VPS54: variants seen among roughly 807,000 people sequenced by gnomAD.
VPS54 encodes the protein VPS54 subunit of GARP complex, also known as vacuolar protein sorting-associated protein 54.
A neutral mutation model predicts 121.5 loss-of-function variants in VPS54; 45 were observed. The ratio of observed to expected loss-of-function variants is 0.37; its 90% CI spans 0.29 to 0.47. The LOEUF is 0.47. Among genes scored for constraint, VPS54 ranks in the 20% least tolerant of loss-of-function variants. VPS54 has a pLI of 0.99. For missense variants in VPS54, 1,090 were observed against 1,131.4 expected, an observed-to-expected ratio of 0.96 and a Z score of 0.52; for synonymous variants, 371 against 385.8, an observed-to-expected ratio of 0.96 and a Z score of 0.45.
chr2:63,942,364 A>G lies in VPS54; in HGVS notation c.1398+101T>C, dbSNP rs1225115709. On this transcript the variant is annotated intron_variant, in intron 11 of 22. Transcript: ENST00000272322. The stretch of plus-strand genomic sequence containing the variant: ...TTAGAAAAATTACAAAAACAAAGAA[A>G]CTGTGTTTTATTCTAGTTTGAGTCT... 1.3e-5 allele frequency: 10 copies of G among 791,780 alleles called. No individual in the cohort carries two copies. The East Asian group carries it at 3.0e-4, about 24-fold the overall frequency. The allele number at this position is 791,780 out of a possible 1,614,324, so 49.0% of individuals were successfully genotyped here.
chr2:63,899,453 G>A (rs1162513853), intron 21 of VPS54, 21 bp downstream of exon 21: 3 of 1,602,260 alleles, frequency 1.9e-6, no homozygotes, highest in Admixed American at 3.3e-5. Flanking sequence ...TACATGAATA[G>A]TTTTAGGAAT....
intron 3 of VPS54, chr2:63,974,950 A>G (rs1676455687): frequency 6.5e-7 from 1 of 1,533,940 alleles, no homozygotes; most frequent in African/African-American, 1.4e-5. Context: ...CTTCCAAGAC[A>G]ATGTTAAAAG....
chr2:63,918,540 A>C (rs898488317), intron 15 of VPS54, among the ~76,000 whole-genome samples: 1 of 152,008 alleles, frequency 6.6e-6, no homozygotes, highest in Admixed American at 6.5e-5. Flanking sequence ...TGCCAATATC[A>C]TACCATCAAG....
At chr2:63,988,706 G>A (rs1036989712) in intron 1 of VPS54, among the ~76,000 whole-genome samples, 2 of 152,060 alleles carry the variant, frequency 1.3e-5, no homozygotes. Context: ...CGTAAAATGA[G>A]GATGTATGTC....
chr2:63,995,876 G>C (rs150051757), intron 1 of VPS54, among the ~76,000 whole-genome samples: 1,874 of 152,270 alleles, frequency 0.012, 17 homozygotes, highest in Non-Finnish European at 0.015. Flanking sequence ...ACAAATTTTT[G>C]AAGTCTCTCA....
At chr2:63,996,031 C>T (rs1002546041) in intron 1 of VPS54, among the ~76,000 whole-genome samples, 3 of 152,150 alleles carry the variant, frequency 2.0e-5, no homozygotes, top group Non-Finnish European at 4.4e-5. Flanking sequence ...GTTTAATCGG[C>T]TTGTCTTTAG....
intron 1 of VPS54, among the ~76,000 whole-genome samples, chr2:63,999,568 C>A (rs1224477652): frequency 6.6e-6 from 1 of 152,106 alleles, no homozygotes; most frequent in Non-Finnish European, 1.5e-5. Flanking sequence ...TCGAGTTAGT[C>A]CTCTCTGGGT....
chr2:63,935,758 C>G (rs985368640), intron 11 of VPS54, among the ~76,000 whole-genome samples: 4 of 152,152 alleles, frequency 2.6e-5, no homozygotes, highest in African/African-American at 9.7e-5. Flanking sequence ...CAGTGCACAG[C>G]ATTTTCCTGA....
chr2:63,966,062 A>C lies in VPS54; in HGVS notation c.493-96T>G, dbSNP rs1675980650. 4.0e-6 allele frequency: 5 copies of C among 1,253,228 alleles called. No individual in the cohort carries two copies. The Admixed American group carries it at 1.0e-4, about 26-fold the overall frequency. 77.6% of individuals were successfully genotyped at this position (1,253,228 alleles called of 1,614,324 possible). On this transcript the variant is annotated intron_variant, in intron 5 of 22. Coordinates refer to ENST00000272322, the MANE Select transcript of VPS54 (RefSeq NM_016516.3). ...TGATCATTAAACAAAATTAACGTGG[A>C]TCTTGAGTATGAATAGCAAAAGCAA...
intron 3 of VPS54, among the ~76,000 whole-genome samples, chr2:63,979,237 G>C (rs1380610818): frequency 7.1e-6 from 1 of 140,356 alleles, no homozygotes; most frequent in East Asian, 2.1e-4. Context: ...TCTTTTTTCT[G>C]TTTGTTTTTT....
At chr2:63,942,188 G>A (rs1357613487) in intron 11 of VPS54, among the ~76,000 whole-genome samples, 1 of 151,820 alleles carries the variant, frequency 6.6e-6, no homozygotes, top group East Asian at 1.9e-4. Flanking sequence ...TAACCTAGGA[G>A]AACAAAAAAT....
At chr2:63,975,153 C>T in intron 3 of VPS54, 1 of 841,344 alleles carries the variant, frequency 1.2e-6, no homozygotes, top group Non-Finnish European at 1.8e-6. Context: ...CCAAGTGATT[C>T]TCATGCCTCA....
chr2:63,932,494 C>G (rs1049419946), intron 12 of VPS54, among the ~76,000 whole-genome samples: 1 of 151,962 alleles, frequency 6.6e-6, no homozygotes, highest in Non-Finnish European at 1.5e-5. Context: ...ACATCACACA[C>G]CAGGGCCTGT....
rs756782725 is a variant in VPS54, at chr2:63,933,097, C to A, written c.1739+576G>T. 3.9e-5 allele frequency among the ~76,000 whole-genome samples: 6 copies of A among 152,214 alleles called. No individual in the cohort carries two copies. The East Asian group carries it at 1.2e-3, about 29-fold the overall frequency. On this transcript the variant is annotated intron_variant, in intron 12 of 22. Coordinates refer to ENST00000272322, the MANE Select transcript of VPS54 (RefSeq NM_016516.3). Reference sequence around the variant, plus strand: ...AGAGTGCAATGTGGTAAAGTATTAACACCTGGGGAATCTGGATGAAGGTTA... The same window carrying A: ...AGAGTGCAATGTGGTAAAGTATTAAAACCTGGGGAATCTGGATGAAGGTTA...
chr2:63,963,765 C>A (rs560515036), intron 6 of VPS54, among the ~76,000 whole-genome samples: 70 of 152,158 alleles, frequency 4.6e-4, no homozygotes, highest in African/African-American at 1.6e-3. Context: ...CACAAATATA[C>A]TAGGGTAAAT....
intron 21 of VPS54, 126 bp downstream of exon 21, chr2:63,899,348 G>T: frequency 1.3e-6 from 1 of 773,796 alleles, no homozygotes; most frequent in Non-Finnish European, 2.0e-6. Context: ...ATATAACAAT[G>T]TAAAAAAATG....
At chr2:63,918,599 G>A (rs1673492020) in intron 15 of VPS54, among the ~76,000 whole-genome samples, 1 of 151,906 alleles carries the variant, frequency 6.6e-6, no homozygotes, top group Non-Finnish European at 1.5e-5. Flanking sequence ...ACTGTCATAT[G>A]ACAAAAATTT....
At chr2:63,902,377 G>A (rs1409140070) in intron 20 of VPS54, among the ~76,000 whole-genome samples, 1 of 152,100 alleles carries the variant, frequency 6.6e-6, no homozygotes, top group Non-Finnish European at 1.5e-5. Context: ...GGAAGCCTCT[G>A]GCATACTAAG....
intron 1 of VPS54, among the ~76,000 whole-genome samples, chr2:63,991,248 T>G (rs887904752): frequency 6.6e-6 from 1 of 152,244 alleles, no homozygotes. Context: ...ACCCTGATTT[T>G]TTAGCTAAAT....
Sources: gnomAD v4.1 joint callset for allele counts (sites outside exome capture counted in the v4.1 genomes callset) on GRCh38, gnomAD v4.1.1 for gene constraint, MANE v1.5 for transcripts, NCBI Gene and HGNC (gene_info 2026-07-23, HGNC 2026-07-21) for gene names.